The following ADAM10 variants were observed in gnomAD, a reference collection of about 807,000 sequenced individuals.
ADAM10 encodes disintegrin and metalloproteinase domain-containing protein 10.
ADAM10 carries 17 observed loss-of-function variants against 90.1 expected under a neutral mutation model. The observed-to-expected ratio is 0.19, with a 90% CI of 0.13 to 0.28. ADAM10 has a LOEUF of 0.28. ADAM10 is among the 10% of genes least tolerant of loss of function. The pLI is 1.00. For synonymous variants in ADAM10, 310 were observed against 298.6 expected, an observed-to-expected ratio of 1.04 and a Z score of -0.40; for missense variants, 610 against 914.3, an observed-to-expected ratio of 0.67 and a Z score of 4.29.
intron 14 of ADAM10, among the ~76,000 whole-genome samples, chr15:58,604,849 G>C (rs141697706): frequency 1.3e-5 from 2 of 152,124 alleles, no homozygotes; most frequent in African/African-American, 2.4e-5. Flanking sequence ...CTGGGCTGTG[G>C]TGATCCTCCT....
At chr15:58,659,998 G>C (rs1212418029) in intron 5 of ADAM10, among the ~76,000 whole-genome samples, 4 of 152,134 alleles carry the variant, frequency 2.6e-5, no homozygotes, top group Admixed American at 1.3e-4. Flanking sequence ...AAAGTGCTGG[G>C]ATTACAGGTG....
chr15:58,597,321 T>C lies in ADAM10; in HGVS notation c.*226A>G, dbSNP rs1894982748. 7.6e-6 allele frequency: 11 copies of C among 1,455,068 alleles called. No homozygotes were observed. Among genetic ancestry groups the C allele is most frequent in the Non-Finnish European group, 1.0e-5 (11 of 1,078,744 alleles). The allele number at this position is 1,455,068 out of a possible 1,614,324, so 90.1% of individuals were successfully genotyped here. On this transcript the variant is annotated 3_prime_UTR_variant, in exon 16 of 16. Transcript: ENST00000260408. Reference sequence around the variant, plus strand: ...TGTGCCATTAAGTTAAAAATATCTGTTCATAAGAAAATTGGGTTCCTTTTC... The same window carrying C: ...TGTGCCATTAAGTTAAAAATATCTGCTCATAAGAAAATTGGGTTCCTTTTC...
Position 58,599,533 on chromosome 15 carries a change from A to G in ADAM10, c.2152+65T>C, listed in dbSNP as rs548930862. The G allele has an allele frequency of 4.5e-6, 7 of 1,555,732 alleles. No individual in the cohort carries two copies. In the Admixed American group the frequency reaches 1.2e-4, roughly 26 times the overall value. On this transcript the variant is annotated intron_variant, in intron 15 of 15. Transcript: ENST00000260408. The stretch of plus-strand genomic sequence containing the variant: ...ATTAGTTACTACAGACTCATTTATA[A>G]TTCAATTCTACCTGCTAAACAATTC...
chr15:58,633,439 G>A, intron 8 of ADAM10, 80 bp from the exon 9 acceptor site: 1 of 1,204,252 alleles, frequency 8.3e-7, no homozygotes, highest in South Asian at 1.3e-5. Context: ...TATATTAAAT[G>A]AAAACATTTT....
intron 1 of ADAM10, among the ~76,000 whole-genome samples, chr15:58,724,484 C>T (rs146485598): frequency 6.6e-6 from 1 of 152,298 alleles, no homozygotes; most frequent in Non-Finnish European, 1.5e-5. Flanking sequence ...AGATCTACTA[C>T]AACTGGCCCA....
intron 2 of ADAM10, among the ~76,000 whole-genome samples, chr15:58,709,222 G>C (rs1023652888): frequency 2.2e-4 from 33 of 152,150 alleles, no homozygotes; most frequent in African/African-American, 7.7e-4. Flanking sequence ...CTTATAAGGA[G>C]CTTAACCACT....
At chr15:58,634,460 T>C (rs1470044633) in intron 8 of ADAM10, among the ~76,000 whole-genome samples, 2 of 152,206 alleles carry the variant, frequency 1.3e-5, no homozygotes, top group Non-Finnish European at 2.9e-5. Context: ...TCCACTTAAA[T>C]ATTTTTATCA....
At chr15:58,719,596 T>G (rs1235417037) in intron 1 of ADAM10, among the ~76,000 whole-genome samples, 1 of 152,242 alleles carries the variant, frequency 6.6e-6, no homozygotes, top group African/African-American at 2.4e-5. Context: ...TAAACTCTGA[T>G]GTCAGATTAT....
chr15:58,628,180 T>C (rs1232377728), intron 9 of ADAM10, among the ~76,000 whole-genome samples: 4 of 152,232 alleles, frequency 2.6e-5, no homozygotes, highest in African/African-American at 9.6e-5. Context: ...TAAGCTCACA[T>C]ACTTTTAAAA....
chr15:58,589,579 G>A lies in ADAM10; in HGVS notation c.*7968C>T, dbSNP rs1307515143. 6.6e-6 allele frequency: 1 copy of A among 152,256 alleles called. No individual in the cohort carries two copies. The highest frequency in any genetic ancestry group is 1.9e-4 in the East Asian group (1 of 5,200). The allele number at this position is 152,256 out of a possible 1,614,324, so 9.4% of individuals were successfully genotyped here. A position where few individuals can be genotyped will look rare whatever the true frequency, so the allele number is the denominator to read the frequency against. On this transcript the variant is annotated 3_prime_UTR_variant, in exon 16 of 16. Transcript: ENST00000260408. The stretch of plus-strand genomic sequence containing the variant: ...CAGCTCCCTGAAGGCACAGACTGCA[G>A]TCCTTTGGGGGCTGTGAAAAATTGC...
chr15:58,689,539 T>C (rs1473866601), intron 2 of ADAM10, among the ~76,000 whole-genome samples: 1 of 152,046 alleles, frequency 6.6e-6, no homozygotes, highest in African/African-American at 2.4e-5. Context: ...AGTAACTTTT[T>C]TAATGCTGAA....
chr15:58,661,170 G>T (rs8039750), intron 5 of ADAM10, among the ~76,000 whole-genome samples: 9,897 of 152,000 alleles, frequency 0.065, 922 homozygotes, highest in African/African-American at 0.2. Context: ...CTTATTATTT[G>T]GACTTAGGTA....
intron 3 of ADAM10, among the ~76,000 whole-genome samples, chr15:58,681,496 C>T (rs947857306): frequency 1.3e-5 from 2 of 152,152 alleles, no homozygotes; most frequent in East Asian, 3.8e-4. Flanking sequence ...CAGTTTAACA[C>T]TGTCTTAAGT....
At chr15:58,598,782 C>T (rs1173088301) in intron 15 of ADAM10, among the ~76,000 whole-genome samples, 1 of 152,204 alleles carries the variant, frequency 6.6e-6, no homozygotes, top group Non-Finnish European at 1.5e-5. Context: ...TCCTTTTCTC[C>T]TTCCAATGCC....
rs1566982405 is a variant in ADAM10 at position 58,655,718 on chromosome 15, T to TA, written c.585+9378dup. ...ATAGTATATATATATATAGTATATATATATATATATATATATATATATTCT... is the reference window on the plus strand; with the variant it reads ...ATAGTATATATATATATAGTATATATAATATATATATATATATATATATTCT... On this transcript the variant is annotated intron_variant, in intron 5 of 15. Coordinates refer to ENST00000260408, the MANE Select transcript of ADAM10 (RefSeq NM_001110.4). Among the ~76,000 whole-genome samples the TA allele has an allele frequency of 8.3e-5, 6 of 72,112 alleles. 1 individual carries two copies. Among genetic ancestry groups the TA allele is most frequent in the East Asian group, 1.1e-3 (2 of 1,804 alleles). 47.3% of individuals were successfully genotyped at this position (72,112 alleles called of 152,430 possible).
In ADAM10 at chr15:58,597,529, C is replaced by T; in HGVS notation, c.*18G>A. 6.2e-7 allele frequency: 1 copy of T among 1,613,974 alleles called. No homozygotes were observed. The highest frequency in any genetic ancestry group is 8.5e-7 in the Non-Finnish European group (1 of 1,179,984). ...TTCCCATTGTAGGCACTAGGAAGAACCAAGGCAAAAGCTGCAGTTAGCGTC... is the reference window on the plus strand; with the variant it reads ...TTCCCATTGTAGGCACTAGGAAGAATCAAGGCAAAAGCTGCAGTTAGCGTC... On this transcript the variant is annotated 3_prime_UTR_variant, in exon 16 of 16. Transcript: ENST00000260408.
chr15:58,605,675 T>C (rs10851639), intron 14 of ADAM10, among the ~76,000 whole-genome samples: 34,541 of 151,956 alleles, frequency 0.23, 4,307 homozygotes, highest in East Asian at 0.55. Flanking sequence ...GGGTCTTATA[T>C]CCCAGAGACA....
At chr15:58,657,650 A>G (rs1199806049) in intron 5 of ADAM10, among the ~76,000 whole-genome samples, 1 of 152,126 alleles carries the variant, frequency 6.6e-6, no homozygotes, top group Non-Finnish European at 1.5e-5. Flanking sequence ...TTAATTCTCT[A>G]TCTGAAAGGT....
chr15:58,591,358 T>C lies in ADAM10; in HGVS notation c.*6189A>G, dbSNP rs1162120827. The stretch of plus-strand genomic sequence containing the variant: ...GAAAATCATTATGAATACAGGTCAT[T>C]ATCATGAATTACTGCTAAAATAAAA... On this transcript the variant is annotated 3_prime_UTR_variant, in exon 16 of 16. Transcript: ENST00000260408. 6.6e-6 allele frequency: 1 copy of C among 152,204 alleles called. No homozygotes were observed. The highest frequency in any genetic ancestry group is 2.4e-5 in the African/African-American group (1 of 41,452). The allele number at this position is 152,204 out of a possible 1,614,324, so 9.4% of individuals were successfully genotyped here.
Sources: allele counts gnomAD v4.1 joint callset (sites outside exome capture counted in the v4.1 genomes callset), GRCh38; gene constraint gnomAD v4.1.1; transcripts MANE v1.5; gene names NCBI Gene and HGNC (gene_info 2026-07-23, HGNC 2026-07-21).